PCDH15: variants seen among roughly 807,000 people sequenced by gnomAD.
PCDH15 encodes protocadherin-15.
Under a neutral mutation model 178.5 loss-of-function variants are expected in PCDH15, and 129 were observed. The ratio of observed to expected loss-of-function variants is 0.72; its 90% confidence interval spans 0.63 to 0.84. The LOEUF (loss-of-function observed/expected upper bound fraction) is 0.84, where lower values mean the gene tolerates loss of function less well. Among genes scored for constraint, PCDH15 ranks in the 40% least tolerant of loss-of-function variants. The pLI is 0.00. For synonymous variants in PCDH15, 800 were observed against 732.0 expected (o/e 1.09, Z -1.50); for missense variants, 2,230 against 2,099.9 (o/e 1.06, Z -1.21).
chr10:54,548,123 CA>C (rs1255788358), intron 2 of PCDH15, among the ~76,000 whole-genome samples: 1 of 142,822 alleles, frequency 7.0e-6, no homozygotes, highest in Non-Finnish European at 1.5e-5. Context: ...CCAAAAAAAC[CA>C]AAAAAAACCC....
chr10:55,065,817 C>A (rs1841550083), intron 2 of PCDH15, among the ~76,000 whole-genome samples: 1 of 151,972 alleles, frequency 6.6e-6, no homozygotes, highest in Non-Finnish European at 1.5e-5. Flanking sequence ...CTTTCTCCTT[C>A]TTAAACTTTA....
chr10:54,229,873 C>G (rs1465322780), intron 9 of PCDH15, among the ~76,000 whole-genome samples: 2 of 152,302 alleles, frequency 1.3e-5, no homozygotes, highest in African/African-American at 4.8e-5. Flanking sequence ...AAGTTCAGAG[C>G]TCCACTTTAT....
intron 21 of PCDH15, among the ~76,000 whole-genome samples, chr10:53,979,537 A>G (rs1422463799): frequency 1.3e-5 from 2 of 152,218 alleles, no homozygotes; most frequent in African/African-American, 4.8e-5. Flanking sequence ...CAAGTTTTCA[A>G]TCTATAACCT....
In PCDH15 at chr10:54,601,437, A is replaced by T. The variant is rs59190836; in HGVS notation, c.91+62735T>A. 5.7e-3 allele frequency among the ~76,000 whole-genome samples: 868 copies of T among 152,208 alleles called. 7 individuals carry two copies. The highest frequency in any genetic ancestry group is 0.02 in the African/African-American group (836 of 41,558). On this transcript the variant is annotated intron_variant, in intron 2 of 37. Coordinates refer to ENST00000644397, the MANE Select transcript of PCDH15 (RefSeq NM_001384140.1). The stretch of plus-strand genomic sequence containing the variant: ...CTTGCAGCCAAAAAAAAGTATTTTA[A>T]AAAAGCTCAACATCACTGATCATTA...
chr10:55,554,586 G>A (rs1842055423), intron 2 of PCDH15, among the ~76,000 whole-genome samples: 1 of 151,924 alleles, frequency 6.6e-6, no homozygotes, highest in Admixed American at 6.6e-5. Flanking sequence ...CGAAAATACA[G>A]CTTTTGTGGG....
chr10:55,170,626 G>T (rs1270214956), intron 1 of PCDH15, among the ~76,000 whole-genome samples: 1 of 152,188 alleles, frequency 6.6e-6, no homozygotes, highest in Admixed American at 6.5e-5. Context: ...GCTTACACCT[G>T]TAATTCCAGC....
At chr10:54,527,108 A>T (rs2083435392) in intron 3 of PCDH15, among the ~76,000 whole-genome samples, 1 of 152,192 alleles carries the variant, frequency 6.6e-6, no homozygotes, top group South Asian at 2.1e-4. Context: ...CAGAGTCCCA[A>T]GAGATAACCA....
At chr10:54,501,876 A>C (rs1000542146) in intron 3 of PCDH15, among the ~76,000 whole-genome samples, 1 of 152,098 alleles carries the variant, frequency 6.6e-6, no homozygotes, top group Non-Finnish European at 1.5e-5. Context: ...AAGGGTAAGA[A>C]AATACTTGTA....
At chr10:54,448,183 A>T (rs974593987) in intron 3 of PCDH15, among the ~76,000 whole-genome samples, 1 of 151,776 alleles carries the variant, frequency 6.6e-6, no homozygotes, top group African/African-American at 2.4e-5. Flanking sequence ...TGAAAGTGGC[A>T]TCTGGTTCCC....
intron 2 of PCDH15, among the ~76,000 whole-genome samples, chr10:54,562,119 T>C (rs1310068765): frequency 6.6e-6 from 1 of 150,542 alleles, no homozygotes; most frequent in Non-Finnish European, 1.5e-5. Context: ...ACCTCCCAAG[T>C]AGCTGTGAAT....
intron 2 of PCDH15, among the ~76,000 whole-genome samples, chr10:54,926,585 CT>C (rs561604005): frequency 5.3e-5 from 8 of 149,970 alleles, no homozygotes; most frequent in Admixed American, 2.7e-4. Flanking sequence ...TGGTGCTGGG[CT>C]TTTTTTTTAG....
At chr10:55,284,828 A>C (rs1291979093) in intron 1 of PCDH15, among the ~76,000 whole-genome samples, 1 of 152,000 alleles carries the variant, frequency 6.6e-6, no homozygotes, top group Non-Finnish European at 1.5e-5. Context: ...TGAATGCTAA[A>C]ATCTTGGTGT....
chr10:54,814,849 G>A (rs746976017), intron 3 of PCDH15, among the ~76,000 whole-genome samples: 5 of 152,108 alleles, frequency 3.3e-5, no homozygotes, highest in Non-Finnish European at 7.4e-5. Context: ...GTGCTTCTGA[G>A]TCTTTCATCC....
At chr10:54,234,876 C>T (rs1414712721) in intron 9 of PCDH15, among the ~76,000 whole-genome samples, 18 of 152,150 alleles carry the variant, frequency 1.2e-4, no homozygotes, top group African/African-American at 3.9e-4. Flanking sequence ...TAATTGGCTC[C>T]TCATTTCACT....
At chr10:54,775,353 TTTA>T (rs1387347562) in intron 1 of PCDH15, among the ~76,000 whole-genome samples, 1 of 152,202 alleles carries the variant, frequency 6.6e-6, no homozygotes, top group Non-Finnish European at 1.5e-5. Flanking sequence ...AGTTTATTGT[TTTA>T]TTGACACATA....
At chr10:53,874,275 C>A (rs546370363) in intron 26 of PCDH15, among the ~76,000 whole-genome samples, 8 of 152,180 alleles carry the variant, frequency 5.3e-5, no homozygotes, top group African/African-American at 1.7e-4. Flanking sequence ...AAATTCTCAC[C>A]GTAAGAGTAA....
At chr10:54,050,192 G>A (rs1034815948) in intron 18 of PCDH15, among the ~76,000 whole-genome samples, 10 of 151,800 alleles carry the variant, frequency 6.6e-5, no homozygotes, top group Admixed American at 3.9e-4. Flanking sequence ...TCCTTTCAAG[G>A]GCATTTTTTG....
chr10:54,182,506 AGTGTGTGTGTGTGT>A (rs71007813), intron 13 of PCDH15, among the ~76,000 whole-genome samples: 4 of 148,080 alleles, frequency 2.7e-5, no homozygotes, highest in Non-Finnish European at 4.5e-5. Flanking sequence ...AGAGAAAAAA[AGTGTGTGTGTGTGT>A]GTGTGTGTGT....
intron 8 of PCDH15, among the ~76,000 whole-genome samples, chr10:54,308,710 T>G (rs1466840444): frequency 1.3e-5 from 2 of 152,166 alleles, no homozygotes; most frequent in Non-Finnish European, 2.9e-5. Context: ...GGTATACACA[T>G]GCCATGGTGG....
Sources: gnomAD v4.1 joint callset for allele counts (sites outside exome capture counted in the v4.1 genomes callset) on GRCh38, gnomAD v4.1.1 for gene constraint, MANE v1.5 for transcripts, NCBI Gene and HGNC (gene_info 2026-07-23, HGNC 2026-07-21) for gene names.